The following POU2AF2 variants were observed in gnomAD, a reference collection of about 807,000 sequenced individuals.
POU2AF2 encodes the protein POU domain class 2-associating factor 2.
At chr11:111,260,607 G>A in the POU2AF2 span, among the ~76,000 whole-genome samples, 1 of 152,104 alleles carries the variant, frequency 6.6e-6, no homozygotes, top group Admixed American at 6.5e-5. Flanking sequence ...GAGTGATGAG[G>A]CCACAGTCAA....
chr11:111,254,686 C>T, the POU2AF2 span, among the ~76,000 whole-genome samples: 1 of 152,302 alleles, frequency 6.6e-6, no homozygotes, highest in East Asian at 1.9e-4. Context: ...TCCTTCCTTT[C>T]ATTCTTTTTA....
At chr11:111,256,116 T>G in the POU2AF2 span, 1 of 399,070 alleles carries the variant, frequency 2.5e-6, no homozygotes, top group Non-Finnish European at 4.4e-6. Flanking sequence ...TAATATATTC[T>G]GAGGTGCTTG....
the POU2AF2 span, among the ~76,000 whole-genome samples, chr11:111,276,708 T>C: frequency 6.8e-6 from 1 of 147,078 alleles, no homozygotes; most frequent in Admixed American, 6.8e-5. Flanking sequence ...ACAGCAATTG[T>C]GGAAGCTAAA....
At chr11:111,274,440 T>C in the POU2AF2 span, among the ~76,000 whole-genome samples, 1 of 152,198 alleles carries the variant, frequency 6.6e-6, no homozygotes, top group Admixed American at 6.5e-5. Flanking sequence ...CCAAAATTCA[T>C]CAAATTGTAC....
the POU2AF2 span, among the ~76,000 whole-genome samples, chr11:111,284,801 C>G: frequency 6.6e-6 from 1 of 152,230 alleles, no homozygotes; most frequent in Admixed American, 6.5e-5. Context: ...TAGGGCTCCT[C>G]TTTCTTTCCA....
the POU2AF2 span, among the ~76,000 whole-genome samples, chr11:111,264,563 AGAAAGAAAGAAAGG>A: frequency 0.13 from 8,001 of 60,940 alleles, 1,292 homozygotes; most frequent in Middle Eastern, 0.25. Context: ...AAAGAAAGAA[AGAAAGAAAGAAAGG>A]GAGAGAGAAA....
At chr11:111,277,907 A>T in the POU2AF2 span, among the ~76,000 whole-genome samples, 1 of 152,246 alleles carries the variant, frequency 6.6e-6, no homozygotes, top group Admixed American at 6.5e-5. Flanking sequence ...GTAACACTGG[A>T]TAACATGGGC....
the POU2AF2 span, among the ~76,000 whole-genome samples, chr11:111,268,853 A>ACTTTT: frequency 2.0e-5 from 3 of 151,810 alleles, no homozygotes; most frequent in Non-Finnish European, 4.4e-5. Context: ...CAGCCTCTTT[A>ACTTTT]CTTTTCTTTT....
the POU2AF2 span, among the ~76,000 whole-genome samples, chr11:111,257,326 C>A: frequency 6.6e-6 from 1 of 152,090 alleles, no homozygotes; most frequent in East Asian, 1.9e-4. Context: ...TTTCCTCCCA[C>A]CCAAGAACAC....
chr11:111,264,621 AGAAGAAAGAAAG>A, the POU2AF2 span, among the ~76,000 whole-genome samples: 24,587 of 109,632 alleles, frequency 0.22, 5,279 homozygotes, highest in South Asian at 0.34. Flanking sequence ...AGAAAGAAAG[AGAAGAAAGAAAG>A]AGAAAGAAAG....
the POU2AF2 span, among the ~76,000 whole-genome samples, chr11:111,268,491 TATTTTATTTTATTTTATTTTA>T: frequency 4.9e-5 from 2 of 40,918 alleles, no homozygotes; most frequent in East Asian, 7.0e-4. Context: ...TATTTTATTT[TATTTTATTTTATTTTATTTTA>T]TTTTATTTTA....
the POU2AF2 span, among the ~76,000 whole-genome samples, chr11:111,279,200 A>C: frequency 1.3e-5 from 2 of 152,234 alleles, no homozygotes; most frequent in Non-Finnish European, 2.9e-5. Flanking sequence ...TGCATCCTGC[A>C]AGATGTGTCT....
chr11:111,256,831 T>A, the POU2AF2 span, among the ~76,000 whole-genome samples: 1 of 152,232 alleles, frequency 6.6e-6, no homozygotes, highest in Non-Finnish European at 1.5e-5. Context: ...AATACTCACC[T>A]TCATCCACGT....
At chr11:111,252,359 C>T in the POU2AF2 span, among the ~76,000 whole-genome samples, 4 of 152,242 alleles carry the variant, frequency 2.6e-5, no homozygotes, top group South Asian at 8.3e-4. Flanking sequence ...GTTTCTGATT[C>T]GGTACATTTG....
At chr11:111,247,189 C>CAGAGAGAGAGAGAGAGAG in the POU2AF2 span, among the ~76,000 whole-genome samples, 77 of 34,400 alleles carry the variant, frequency 2.2e-3, no homozygotes, top group South Asian at 0.011. Flanking sequence ...CATACACACA[C>CAGAGAGAGAGAGAGAGAG]ACAGAGAGAG....
the POU2AF2 span, among the ~76,000 whole-genome samples, chr11:111,246,831 A>T: frequency 6.6e-6 from 1 of 152,192 alleles, no homozygotes; most frequent in African/African-American, 2.4e-5. Context: ...AGAGCAGCTA[A>T]AATCTACTTA....
chr11:111,259,686 C>T, the POU2AF2 span, among the ~76,000 whole-genome samples: 30 of 152,202 alleles, frequency 2.0e-4, no homozygotes, highest in East Asian at 3.9e-3. Flanking sequence ...AGCAAACAAA[C>T]GGGTTTTTTA....
the POU2AF2 span, among the ~76,000 whole-genome samples, chr11:111,262,397 G>T: frequency 6.6e-6 from 1 of 152,218 alleles, no homozygotes; most frequent in African/African-American, 2.4e-5. Flanking sequence ...AAGACTGCTA[G>T]TTGGACGTTT....
At chr11:111,280,373 G>A in the POU2AF2 span, among the ~76,000 whole-genome samples, 40,682 of 151,824 alleles carry the variant, frequency 0.27, 5,736 homozygotes, top group Admixed American at 0.34. Flanking sequence ...GCGCCCCTTA[G>A]CCATGGTTTC....
Sources: gnomAD v4.1 joint callset for allele counts (sites outside exome capture counted in the v4.1 genomes callset) on GRCh38, gnomAD v4.1.1 for gene constraint, MANE v1.5 for transcripts, NCBI Gene and HGNC (gene_info 2026-07-23, HGNC 2026-07-21) for gene names.